The following LMBR1 variants were observed in gnomAD, a reference collection of about 807,000 sequenced individuals.
The protein encoded by LMBR1 is limb region 1 protein homolog.
LMBR1 carries 52 observed loss-of-function variants against 73.9 expected under a neutral mutation model. That is an observed-to-expected ratio of 0.70 (90% CI 0.56 to 0.89). The LOEUF (loss-of-function observed/expected upper bound fraction) is 0.89, where lower values mean the gene tolerates loss of function less well. Among genes scored for constraint, LMBR1 ranks in the 40% least tolerant of loss-of-function variants. LMBR1 has a pLI of 0.00. For missense variants in LMBR1, 539 were observed against 579.8 expected, an observed-to-expected ratio of 0.93 and a Z score of 0.72; for synonymous variants, 215 against 209.4, an observed-to-expected ratio of 1.03 and a Z score of -0.23.
chr7:156,786,080 G>A (rs547481223), intron 5 of LMBR1, among the ~76,000 whole-genome samples: 81 of 151,904 alleles, frequency 5.3e-4, no homozygotes, highest in African/African-American at 1.9e-3. Context: ...AATGTCCAAG[G>A]AAAGGTATAG....
intron 15 of LMBR1, among the ~76,000 whole-genome samples, chr7:156,696,307 T>C (rs1315490894): frequency 6.6e-6 from 1 of 152,230 alleles, no homozygotes; most frequent in African/African-American, 2.4e-5. Context: ...TTACACGTCA[T>C]ATATTTTGAT....
chr7:156,827,060 G>A (rs756148581), intron 3 of LMBR1, among the ~76,000 whole-genome samples: 11 of 152,066 alleles, frequency 7.2e-5, no homozygotes, highest in Admixed American at 6.5e-5. Flanking sequence ...TCTTTTAAAT[G>A]TAAGTATTTA....
At chr7:156,871,117 T>G (rs1563584191) in intron 1 of LMBR1, among the ~76,000 whole-genome samples, 1 of 152,058 alleles carries the variant, frequency 6.6e-6, no homozygotes, top group East Asian at 1.9e-4. Context: ...ACATTACAAC[T>G]GATGCCTCCA....
At chr7:156,862,291 G>A (rs945496458) in intron 1 of LMBR1, among the ~76,000 whole-genome samples, 47 of 152,116 alleles carry the variant, frequency 3.1e-4, no homozygotes, top group African/African-American at 1.1e-3. Flanking sequence ...GATCTCATGA[G>A]ACTTATTCAC....
chr7:156,797,772 T>A (rs377537961), intron 4 of LMBR1, among the ~76,000 whole-genome samples: 1 of 152,334 alleles, frequency 6.6e-6, no homozygotes, highest in African/African-American at 2.4e-5. Context: ...CAAGGTAATA[T>A]AATAAAATCA....
chr7:156,784,001 T>TG (rs201841407), intron 5 of LMBR1, among the ~76,000 whole-genome samples: 5,858 of 150,386 alleles, frequency 0.039, 167 homozygotes, highest in Non-Finnish European at 0.049. Context: ...TTTTTCTGTT[T>TG]TTTTTTTTTT....
chr7:156,748,996 G>C (rs992759122), intron 9 of LMBR1, among the ~76,000 whole-genome samples: 2 of 151,902 alleles, frequency 1.3e-5, no homozygotes, highest in Non-Finnish European at 2.9e-5. Context: ...TGTGAATAAC[G>C]GCCCAAGAAG....
chr7:156,796,703 A>G (rs1486862941), intron 4 of LMBR1, among the ~76,000 whole-genome samples: 1 of 152,164 alleles, frequency 6.6e-6, no homozygotes, highest in Non-Finnish European at 1.5e-5. Context: ...ATAGAAACTA[A>G]TGTTTTTTTC....
chr7:156,710,579 A>C (rs571613146), intron 15 of LMBR1, among the ~76,000 whole-genome samples: 43 of 152,356 alleles, frequency 2.8e-4, no homozygotes, highest in African/African-American at 1.0e-3. Context: ...AAGAAGAGAA[A>C]TCTAAAAGTT....
intron 9 of LMBR1, among the ~76,000 whole-genome samples, chr7:156,746,248 A>C (rs1819840106): frequency 6.6e-6 from 1 of 152,234 alleles, no homozygotes; most frequent in African/African-American, 2.4e-5. Flanking sequence ...GACTGGAAAT[A>C]CAATTCCAAA....
chr7:156,879,366 C>G (rs1318545548), intron 1 of LMBR1, among the ~76,000 whole-genome samples: 1 of 152,072 alleles, frequency 6.6e-6, no homozygotes, highest in Non-Finnish European at 1.5e-5. Context: ...ACAATCCCAT[C>G]AAAAAGTGGG....
chr7:156,721,591 A>C (rs533902464), intron 15 of LMBR1, among the ~76,000 whole-genome samples: 97 of 152,264 alleles, frequency 6.4e-4, no homozygotes, highest in Non-Finnish European at 5.1e-4. Context: ...GATTCTGAAA[A>C]CTTAAATATA....
intron 3 of LMBR1, among the ~76,000 whole-genome samples, chr7:156,829,124 G>C (rs1288355616): frequency 3.9e-5 from 6 of 152,214 alleles, no homozygotes; most frequent in Non-Finnish European, 8.8e-5. Context: ...GGCAGGACTT[G>C]CGTCAGGAAT....
chr7:156,887,197 G>A (rs756027985), intron 1 of LMBR1, among the ~76,000 whole-genome samples: 31 of 152,168 alleles, frequency 2.0e-4, no homozygotes, highest in Non-Finnish European at 7.3e-5. Context: ...TGGGCGCGGT[G>A]GCTCACGCCT....
intron 15 of LMBR1, among the ~76,000 whole-genome samples, chr7:156,692,055 A>ATC (rs1316866848): frequency 2.0e-5 from 3 of 152,224 alleles, no homozygotes; most frequent in Non-Finnish European, 4.4e-5. Context: ...GGAATGAAAG[A>ATC]TGATGCTGTT....
At chr7:156,842,422 G>A (rs1838883654) in intron 1 of LMBR1, among the ~76,000 whole-genome samples, 1 of 152,112 alleles carries the variant, frequency 6.6e-6, no homozygotes, top group South Asian at 2.1e-4. Context: ...TACTTTTTAA[G>A]GAATAACACG....
At chr7:156,722,547 T>C (rs1814808850) in intron 15 of LMBR1, among the ~76,000 whole-genome samples, 1 of 152,192 alleles carries the variant, frequency 6.6e-6, no homozygotes, top group South Asian at 2.1e-4. Context: ...AACGTATTTA[T>C]TTCTTTTCAT....
intron 5 of LMBR1, among the ~76,000 whole-genome samples, chr7:156,769,850 A>G (rs1368711335): frequency 6.6e-6 from 1 of 152,174 alleles, no homozygotes; most frequent in Non-Finnish European, 1.5e-5. Context: ...GCCCAGAGGG[A>G]GCCATCACTT....
At chr7:156,879,262 C>T (rs1217124148) in intron 1 of LMBR1, among the ~76,000 whole-genome samples, 1 of 152,134 alleles carries the variant, frequency 6.6e-6, no homozygotes, top group Non-Finnish European at 1.5e-5. Context: ...ACAGAAAACC[C>T]ACAGAGTGGG....
Sources: allele counts gnomAD v4.1 joint callset (sites outside exome capture counted in the v4.1 genomes callset), GRCh38; gene constraint gnomAD v4.1.1; transcripts MANE v1.5; gene names NCBI Gene and HGNC (gene_info 2026-07-23, HGNC 2026-07-21).